The following NNMT variants were observed in gnomAD, a reference collection of about 807,000 sequenced individuals.
The protein encoded by NNMT is nicotinamide N-methyltransferase.
NNMT carries 10 observed loss-of-function variants against 11.7 expected under a neutral mutation model. The ratio of observed to expected loss-of-function variants is 0.85; its 90% confidence interval spans 0.53 to 1.45. NNMT has a LOEUF of 1.45. NNMT is among the 40% of genes most tolerant of loss of function. The probability of loss-of-function intolerance (pLI) is 0.00; values close to 1 mark genes in which losing one functional copy is unlikely to be tolerated. For missense variants in NNMT, 381 were observed against 319.4 expected (o/e 1.19, Z -1.47); for synonymous variants, 143 against 133.8 (o/e 1.07, Z -0.48).
At chr11:114,258,188 C>T (rs931326432) in intron 1 of NNMT, among the ~76,000 whole-genome samples, 35 of 152,076 alleles carry the variant, frequency 2.3e-4, no homozygotes, top group African/African-American at 7.5e-4. Context: ...GGACAGGCAC[C>T]GAGGCAGGGG....
intron 2 of NNMT, among the ~76,000 whole-genome samples, chr11:114,277,652 A>G (rs1039733272): frequency 6.6e-6 from 1 of 152,232 alleles, no homozygotes; most frequent in Non-Finnish European, 1.5e-5. Flanking sequence ...GAACTTCAAG[A>G]AAAGTGAAAG....
At chr11:114,274,910 G>T (rs78371951) in intron 2 of NNMT, among the ~76,000 whole-genome samples, 2,767 of 152,322 alleles carry the variant, frequency 0.018, 100 homozygotes, top group African/African-American at 0.062. Flanking sequence ...ACCTCTCACT[G>T]CTGGGAACAG....
intron 2 of NNMT, among the ~76,000 whole-genome samples, chr11:114,286,920 T>C (rs1208034351): frequency 1.3e-5 from 2 of 152,198 alleles, no homozygotes; most frequent in East Asian, 3.9e-4. Context: ...TCAAGGCCTT[T>C]GGTGCTGGTC....
chr11:114,277,457 A>T (rs1484198474), intron 2 of NNMT, among the ~76,000 whole-genome samples: 1 of 152,130 alleles, frequency 6.6e-6, no homozygotes, highest in Non-Finnish European at 1.5e-5. Context: ...AACACAAACC[A>T]TCTAACCCAG....
intron 2 of NNMT, among the ~76,000 whole-genome samples, chr11:114,286,890 T>C (rs1945304728): frequency 6.6e-6 from 1 of 152,198 alleles, no homozygotes; most frequent in African/African-American, 2.4e-5. Flanking sequence ...CTGCTAGAAA[T>C]ACACAAGGAC....
intron 1 of NNMT, 90 bp downstream of exon 1, chr11:114,296,800 G>T: frequency 7.8e-7 from 1 of 1,280,952 alleles, no homozygotes; most frequent in Non-Finnish European, 1.1e-6. Context: ...TCTCGTTGTT[G>T]CTTCACAGCC....
chr11:114,264,241 C>A lies in NNMT; in HGVS notation c.-130+1307C>A, dbSNP rs144104466. ...AGCCCACATCCCCCTTTAGCTTCCA[C>A]CCATATTTCTCTCTTCCTTGGAAGA... On this transcript the variant is annotated intron_variant, in intron 2 of 4. Transcript: ENST00000535401. 2.0e-4 allele frequency among the ~76,000 whole-genome samples: 31 copies of A among 152,186 alleles called. No individual in the cohort carries two copies. In the East Asian group the frequency reaches 6.0e-3, roughly 29 times the overall value.
upstream of NNMT, among the ~76,000 whole-genome samples, chr11:114,295,550 A>G (rs1216093259): frequency 7.0e-6 from 1 of 141,924 alleles, no homozygotes; most frequent in Admixed American, 7.6e-5. Flanking sequence ...TCAGCCTCCC[A>G]AGTAGCTGGG....
rs564029037 is a variant in NNMT at position 114,297,701 on chromosome 11, G to A, written c.155-250G>A. Among the ~76,000 whole-genome samples, 77 of 152,158 alleles carry A rather than the reference G, an allele frequency of 5.1e-4. No homozygotes were observed. The South Asian group carries it at 0.015, about 30-fold the overall frequency. ...GAGGTCTCACTATGTTGTCCAGGCT[G>A]GTCTCATCCTCCAGGCCTCAAGTGA... On this transcript the variant is annotated intron_variant, in intron 1 of 2. Coordinates refer to ENST00000299964, the MANE Select transcript of NNMT (RefSeq NM_006169.3).
At chr11:114,273,931 C>A (rs958850059) in intron 2 of NNMT, among the ~76,000 whole-genome samples, 6 of 152,132 alleles carry the variant, frequency 3.9e-5, no homozygotes, top group African/African-American at 1.2e-4. Context: ...AGCCAGTGTC[C>A]TCATGAATGT....
At chr11:114,305,509 C>G (rs1466200898) in intron 2 of NNMT, among the ~76,000 whole-genome samples, 1 of 143,362 alleles carries the variant, frequency 7.0e-6, no homozygotes, top group Non-Finnish European at 1.5e-5. Flanking sequence ...TCCCCCCACC[C>G]CACGACAGGC....
chr11:114,278,693 T>C (rs1403813388), intron 2 of NNMT, among the ~76,000 whole-genome samples: 2 of 151,884 alleles, frequency 1.3e-5, no homozygotes, highest in African/African-American at 4.8e-5. Flanking sequence ...ATTCAGGTAG[T>C]GGAGAGTGGC....
intron 2 of NNMT, among the ~76,000 whole-genome samples, chr11:114,303,048 T>G (rs533319397): frequency 6.6e-6 from 1 of 152,332 alleles, no homozygotes; most frequent in East Asian, 1.9e-4. Flanking sequence ...GTCTATGGTA[T>G]TCTGTTACAG....
chr11:114,273,733 G>A (rs746405728), intron 2 of NNMT, among the ~76,000 whole-genome samples: 4 of 152,090 alleles, frequency 2.6e-5, no homozygotes, highest in East Asian at 1.9e-4. Context: ...CCAGCTACTC[G>A]GGAGGCTGAA....
chr11:114,308,179 C>T (rs955721497), intron 2 of NNMT, among the ~76,000 whole-genome samples: 5 of 152,094 alleles, frequency 3.3e-5, no homozygotes, highest in South Asian at 2.1e-4. Flanking sequence ...TCACCTGATT[C>T]GGGTGTGGGG....
At chr11:114,293,280 C>G (rs928462683), upstream of NNMT, among the ~76,000 whole-genome samples, 1 of 152,154 alleles carries the variant, frequency 6.6e-6, no homozygotes, top group Admixed American at 6.5e-5. Context: ...TAATCTGAGA[C>G]AATTTGCCTG....
chr11:114,273,867 G>A (rs772938487), intron 2 of NNMT, among the ~76,000 whole-genome samples: 2 of 152,144 alleles, frequency 1.3e-5, no homozygotes, highest in Non-Finnish European at 2.9e-5. Context: ...CCATGTTACA[G>A]ATGGTCTCAG....
chr11:114,293,161 G>A (rs1183312743), upstream of NNMT, among the ~76,000 whole-genome samples: 1 of 152,194 alleles, frequency 6.6e-6, no homozygotes, highest in Non-Finnish European at 1.5e-5. Context: ...GAAGCAGGGA[G>A]TGTCTGTGCT....
At chr11:114,282,449 A>G (rs1263803973) in intron 2 of NNMT, among the ~76,000 whole-genome samples, 12 of 152,206 alleles carry the variant, frequency 7.9e-5, no homozygotes, top group Non-Finnish European at 8.8e-5. Flanking sequence ...AAGGAGCAAG[A>G]ATATGACCAG....
Sources: gnomAD v4.1 joint callset for allele counts (sites outside exome capture counted in the v4.1 genomes callset) on GRCh38, gnomAD v4.1.1 for gene constraint, MANE v1.5 for transcripts, NCBI Gene and HGNC (gene_info 2026-07-23, HGNC 2026-07-21) for gene names.